ZNF236: variants seen among roughly 807,000 people sequenced by gnomAD.
ZNF236 encodes the protein regulated by glucose.
Under a neutral mutation model 191.2 loss-of-function variants are expected in ZNF236, and 50 were observed. The ratio of observed to expected loss-of-function variants is 0.26; its 90% CI spans 0.21 to 0.33. ZNF236 has a LOEUF of 0.33. Ranked by LOEUF, ZNF236 falls within the 10% of genes least tolerant of loss-of-function variation. The probability of loss-of-function intolerance (pLI) is 1.00; values close to 1 mark genes in which losing one functional copy is unlikely to be tolerated. For missense variants in ZNF236, 1,754 were observed against 2,374.5 expected, an observed-to-expected ratio of 0.74 and a Z score of 5.43; for synonymous variants, 907 against 928.8, an observed-to-expected ratio of 0.98 and a Z score of 0.43.
chr18:76,870,598 G>C (rs1228216323), intron 4 of ZNF236, among the ~76,000 whole-genome samples: 1 of 152,200 alleles, frequency 6.6e-6, no homozygotes, highest in Non-Finnish European at 1.5e-5. Flanking sequence ...AGATAGTGGT[G>C]AGTGTCAAGA....
At chr18:76,900,102 A>G (rs1416357202) in intron 11 of ZNF236, among the ~76,000 whole-genome samples, 1 of 152,238 alleles carries the variant, frequency 6.6e-6, no homozygotes, top group Non-Finnish European at 1.5e-5. Context: ...TTTCCTAGGA[A>G]AGATAATTCA....
At chr18:76,887,274 AG>A (rs756013817) in intron 9 of ZNF236, 3 of 152,256 alleles carry the variant, frequency 2.0e-5, no homozygotes, top group Non-Finnish European at 4.4e-5. Context: ...CGGGAAGCTG[AG>A]GAAGGAGAAT....
At chr18:76,832,105 G>A (rs1434780254) in intron 1 of ZNF236, among the ~76,000 whole-genome samples, 1 of 151,780 alleles carries the variant, frequency 6.6e-6, no homozygotes, top group South Asian at 2.1e-4. Flanking sequence ...TTTGAGACAG[G>A]GTCTCGCTCT....
At chr18:76,903,693 C>T (rs566388046) in intron 11 of ZNF236, among the ~76,000 whole-genome samples, 2 of 152,154 alleles carry the variant, frequency 1.3e-5, no homozygotes, top group East Asian at 3.9e-4. Context: ...AAAGTTTACC[C>T]CCAAGCTTGT....
Position 76,925,057 on chromosome 18 carries a change from A to G in ZNF236, c.3662-132A>G. 4 of 1,349,958 alleles carry G rather than the reference A, an allele frequency of 3.0e-6. No homozygotes were observed. Among genetic ancestry groups the G allele is most frequent in the Non-Finnish European group, 4.0e-6 (4 of 993,880 alleles). The allele number at this position is 1,349,958 out of a possible 1,614,324, so 83.6% of individuals were successfully genotyped here. A position where few individuals can be genotyped will look rare whatever the true frequency, so the allele number is the denominator to read the frequency against. On this transcript the variant is annotated intron_variant, in intron 21 of 30. Coordinates refer to ENST00000320610, the MANE Select transcript of ZNF236 (RefSeq NM_001306089.2). This position sits in a 1 kb window ranked among gnomAD's most constrained non-coding sequence, Gnocchi z 5.7. ...TGACGTCCGTAACATCTTATAGGTG[A>G]AAGGGATTCTCATTAAAGTACTTCC...
intron 4 of ZNF236, among the ~76,000 whole-genome samples, chr18:76,870,496 C>T (rs1027932806): frequency 6.6e-6 from 1 of 152,138 alleles, no homozygotes; most frequent in African/African-American, 2.4e-5. Flanking sequence ...GAGGAGCAAA[C>T]CAGACAGACG....
At chr18:76,900,336 T>G (rs796520573) in intron 11 of ZNF236, among the ~76,000 whole-genome samples, 10 of 152,262 alleles carry the variant, frequency 6.6e-5, no homozygotes, top group African/African-American at 2.2e-4. Context: ...AATTCTCAAG[T>G]GCAGTGAAAG....
intron 1 of ZNF236, among the ~76,000 whole-genome samples, chr18:76,847,337 A>G (rs940502516): frequency 1.1e-4 from 17 of 152,130 alleles, no homozygotes; most frequent in Admixed American, 5.9e-4. Context: ...TGAAAACCCA[A>G]TTTTCAACAG....
intron 1 of ZNF236, among the ~76,000 whole-genome samples, chr18:76,830,532 G>A (rs543817132): frequency 6.6e-6 from 1 of 152,070 alleles, no homozygotes; most frequent in East Asian, 1.9e-4. Flanking sequence ...ACTTATTATT[G>A]CCTCTCCCCG....
intron 9 of ZNF236, among the ~76,000 whole-genome samples, chr18:76,891,251 A>G (rs947701925): frequency 2.6e-5 from 4 of 152,188 alleles, no homozygotes; most frequent in Admixed American, 6.5e-5. Flanking sequence ...TAACTGGGGA[A>G]ATATTTATTT....
intron 1 of ZNF236, among the ~76,000 whole-genome samples, chr18:76,828,455 C>T (rs1599306582): frequency 6.6e-6 from 1 of 152,088 alleles, no homozygotes; most frequent in Non-Finnish European, 1.5e-5. Flanking sequence ...GGCGTGAGCC[C>T]CCACGCCTGC....
chr18:76,882,832 C>T (rs200766308), intron 9 of ZNF236, among the ~76,000 whole-genome samples: 8 of 152,176 alleles, frequency 5.3e-5, no homozygotes, highest in Non-Finnish European at 8.8e-5. Flanking sequence ...GAGCCATTTC[C>T]GTATATTTCG....
intron 2 of ZNF236, 35 bp downstream of exon 2, chr18:76,849,703 G>A (rs754855541): frequency 6.9e-7 from 1 of 1,458,824 alleles, no homozygotes; most frequent in Non-Finnish European, 9.1e-7. Context: ...AGGAATGTGA[G>A]CGTTGAAACT....
At chr18:76,872,953 A>G (rs1172996062) in intron 5 of ZNF236, among the ~76,000 whole-genome samples, 3 of 152,046 alleles carry the variant, frequency 2.0e-5, no homozygotes, top group Non-Finnish European at 4.4e-5. Flanking sequence ...GAATATTTCT[A>G]TGTAGAGTAT....
chr18:76,844,866 A>G (rs1975627494), intron 1 of ZNF236, among the ~76,000 whole-genome samples: 1 of 152,220 alleles, frequency 6.6e-6, no homozygotes, highest in African/African-American at 2.4e-5. Context: ...CATTTTTAAG[A>G]TAGCTTATCT....
intron 5 of ZNF236, among the ~76,000 whole-genome samples, chr18:76,872,300 G>A (rs2122609449): frequency 6.6e-6 from 1 of 152,252 alleles, no homozygotes; most frequent in African/African-American, 2.4e-5. Context: ...GGGCAACATA[G>A]CGAGATCCTG....
intron 28 of ZNF236, among the ~76,000 whole-genome samples, chr18:76,957,870 A>G (rs1434895756): frequency 6.6e-6 from 1 of 152,274 alleles, no homozygotes; most frequent in Non-Finnish European, 1.5e-5. Context: ...ACAGAGGAAC[A>G]GCAAAGATGT....
rs1968901545 is a variant in ZNF236 at position 76,971,027 on chromosome 18, T to A, written c.*2688T>A. Among the ~76,000 whole-genome samples, 1 of 152,248 alleles carries A rather than the reference T, an allele frequency of 6.6e-6. No individual in the cohort carries two copies. Among genetic ancestry groups the A allele is most frequent in the Non-Finnish European group, 1.5e-5 (1 of 68,034 alleles). ...AACGGCACCCAGTCATTGAGGAACCTTTTGAAAGTTCCTAAGTGTTTTGAT... is the reference window on the plus strand; with the variant it reads ...AACGGCACCCAGTCATTGAGGAACCATTTGAAAGTTCCTAAGTGTTTTGAT... On this transcript the variant is annotated 3_prime_UTR_variant, in exon 31 of 31. Transcript: ENST00000320610.
At chr18:76,934,480 G>A (rs1459033442) in intron 25 of ZNF236, among the ~76,000 whole-genome samples, 12 of 152,074 alleles carry the variant, frequency 7.9e-5, no homozygotes, top group Admixed American at 7.9e-4. Context: ...TCTTACCTTC[G>A]TCCACTTTTA....
Sources: gnomAD v4.1 joint callset for allele counts (sites outside exome capture counted in the v4.1 genomes callset) on GRCh38, gnomAD v4.1.1 for gene constraint, Gnocchi (gnomAD v3.1) non-coding constraint, MANE v1.5 for transcripts, NCBI Gene and HGNC (gene_info 2026-07-23, HGNC 2026-07-21) for gene names.